MTUS2: variants seen among roughly 807,000 people sequenced by gnomAD.
MTUS2 encodes microtubule associated scaffold protein 2.
MTUS2 carries 40 observed loss-of-function variants against 114.1 expected under a neutral mutation model. The ratio of observed to expected loss-of-function variants is 0.35; its 90% CI spans 0.27 to 0.46. The LOEUF (loss-of-function observed/expected upper bound fraction) is 0.46. Ranked by LOEUF, MTUS2 falls within the 20% of genes least tolerant of loss-of-function variation. The pLI, the probability that MTUS2 is intolerant of heterozygous loss-of-function variation, is 1.00. For missense variants in MTUS2, 1,679 were observed against 1,705.4 expected (o/e 0.98, Z 0.27); for synonymous variants, 688 against 672.0 (o/e 1.02, Z -0.37).
chr13:29,271,186 C>T (rs921896848), intron 5 of MTUS2, among the ~76,000 whole-genome samples: 2 of 152,132 alleles, frequency 1.3e-5, no homozygotes, highest in Admixed American at 6.5e-5. Flanking sequence ...CCTCTTCTCT[C>T]GGTTTCTGCC....
intron 2 of MTUS2, among the ~76,000 whole-genome samples, chr13:28,958,799 C>T (rs1326397622): frequency 6.6e-6 from 1 of 152,154 alleles, no homozygotes; most frequent in Admixed American, 6.5e-5. Flanking sequence ...ATGTTTGCAT[C>T]GTTGAGCTTG....
chr13:28,983,618 T>G (rs1884453590), intron 2 of MTUS2, among the ~76,000 whole-genome samples: 1 of 152,240 alleles, frequency 6.6e-6, no homozygotes, highest in Non-Finnish European at 1.5e-5. Context: ...TGGCTTTCAT[T>G]GTATTTCTGT....
At chr13:29,433,972 A>C (rs1397894885) in intron 8 of MTUS2, among the ~76,000 whole-genome samples, 1 of 152,188 alleles carries the variant, frequency 6.6e-6, no homozygotes, top group East Asian at 1.9e-4. Flanking sequence ...TTGTGGTTCG[A>C]TGGTTTAGCT....
In MTUS2 at chr13:29,127,585, A is replaced by G. The variant is rs189640518; in HGVS notation, c.2644+26615A>G. Among the ~76,000 whole-genome samples the G allele has an allele frequency of 8.5e-5, 13 of 152,314 alleles. No individual in the cohort carries two copies. In the East Asian group the frequency reaches 2.5e-3, roughly 29 times the overall value. ...AAGTTTCCACCCTGTAGGCTTGCAC[A>G]GTGGATTTTGGCTTTGTCAGCCCCC... On this transcript the variant is annotated intron_variant, in intron 5 of 15. Transcript: ENST00000612955.
chr13:29,238,000 A>G (rs1896598340), intron 5 of MTUS2, among the ~76,000 whole-genome samples: 1 of 152,230 alleles, frequency 6.6e-6, no homozygotes, highest in Admixed American at 6.5e-5. Context: ...CATTATGGAT[A>G]ACAGTATGGA....
intron 5 of MTUS2, among the ~76,000 whole-genome samples, chr13:29,216,924 A>G (rs1593178850): frequency 6.6e-6 from 1 of 152,176 alleles, no homozygotes; most frequent in Non-Finnish European, 1.5e-5. Context: ...TATCTTTTGC[A>G]TTTTTGATAG....
intron 2 of MTUS2, among the ~76,000 whole-genome samples, chr13:28,841,892 G>A (rs1456150194): frequency 2.6e-5 from 4 of 152,114 alleles, no homozygotes; most frequent in African/African-American, 7.2e-5. Context: ...TCGCCATGTT[G>A]GCCAGGATGG....
chr13:29,391,052 G>C (rs969214313), intron 8 of MTUS2, among the ~76,000 whole-genome samples: 4 of 151,664 alleles, frequency 2.6e-5, no homozygotes, highest in African/African-American at 9.7e-5. Flanking sequence ...GCTGGGATTA[G>C]AGGCATGAGC....
At chr13:29,100,600 A>T (rs957988659) in intron 4 of MTUS2, among the ~76,000 whole-genome samples, 173 bp from the exon 5 acceptor site, 16 of 152,102 alleles carry the variant, frequency 1.1e-4, no homozygotes, top group African/African-American at 3.9e-4. Context: ...CCTGACCCAC[A>T]ATATAAGGGG....
intron 9 of MTUS2, among the ~76,000 whole-genome samples, chr13:29,443,663 G>A (rs991679307): frequency 6.6e-6 from 1 of 152,208 alleles, no homozygotes; most frequent in Non-Finnish European, 1.5e-5. Context: ...GGGAATGTGG[G>A]GATCAACTGT....
chr13:28,864,352 G>A (rs1877172353), intron 2 of MTUS2, among the ~76,000 whole-genome samples: 1 of 152,254 alleles, frequency 6.6e-6, no homozygotes, highest in South Asian at 2.1e-4. Flanking sequence ...TTATGGGGTA[G>A]GCAAGGTTGA....
intron 2 of MTUS2, among the ~76,000 whole-genome samples, chr13:28,962,798 G>T (rs1883389567): frequency 6.6e-6 from 1 of 152,168 alleles, no homozygotes; most frequent in Admixed American, 6.5e-5. Flanking sequence ...TTAGAGCAGT[G>T]TGAGAACTTC....
chr13:28,884,726 G>A (rs960107036), intron 2 of MTUS2, among the ~76,000 whole-genome samples: 1 of 152,176 alleles, frequency 6.6e-6, no homozygotes, highest in African/African-American at 2.4e-5. Flanking sequence ...TAAGCAGGGT[G>A]TTCTCACTGG....
intron 8 of MTUS2, among the ~76,000 whole-genome samples, chr13:29,394,823 G>A (rs947258593): frequency 6.6e-6 from 1 of 152,176 alleles, no homozygotes; most frequent in African/African-American, 2.4e-5. Context: ...CACAAACCCT[G>A]TTGTTAACGG....
intron 4 of MTUS2, among the ~76,000 whole-genome samples, chr13:29,064,053 C>T (rs1350257511): frequency 3.3e-5 from 5 of 152,158 alleles, no homozygotes; most frequent in African/African-American, 4.8e-5. Flanking sequence ...CTGCTCCTAG[C>T]GCTGGCTCTG....
chr13:29,237,572 G>T (rs1327914136), intron 5 of MTUS2, among the ~76,000 whole-genome samples: 1 of 152,110 alleles, frequency 6.6e-6, no homozygotes, highest in Non-Finnish European at 1.5e-5. Flanking sequence ...AGTGCCCACA[G>T]GACTATCAAG....
intron 9 of MTUS2, among the ~76,000 whole-genome samples, chr13:29,467,957 A>G (rs1566217825): frequency 4.6e-5 from 7 of 152,070 alleles, no homozygotes; most frequent in Admixed American, 4.6e-4. Context: ...TCTACAAGAA[A>G]ATACAAAAAT....
chr13:29,491,821 TG>T (rs1323877134), intron 11 of MTUS2, among the ~76,000 whole-genome samples: 1 of 137,442 alleles, frequency 7.3e-6, no homozygotes, highest in Admixed American at 7.1e-5. Context: ...GTGGGGTAGG[TG>T]TGTGTGTGTG....
At chr13:28,833,515 A>G (rs188023365) in intron 1 of MTUS2, among the ~76,000 whole-genome samples, 99 of 152,278 alleles carry the variant, frequency 6.5e-4, no homozygotes, top group African/African-American at 2.2e-3. Context: ...AAATTCAAAC[A>G]GCACTTCATG....
Sources: gnomAD v4.1 joint callset for allele counts (sites outside exome capture counted in the v4.1 genomes callset) on GRCh38, gnomAD v4.1.1 for gene constraint, MANE v1.5 for transcripts, NCBI Gene and HGNC (gene_info 2026-07-23, HGNC 2026-07-21) for gene names.